ERCC8: variants seen among roughly 807,000 people sequenced by gnomAD.
ERCC8 encodes the protein ERCC excision repair 8, CSA ubiquitin ligase complex subunit.
ERCC8 carries 52 observed loss-of-function variants against 54.9 expected under a neutral mutation model. That is an observed-to-expected ratio of 0.95 (90% CI 0.76 to 1.19). The LOEUF is 1.19. Among genes scored for constraint, ERCC8 ranks in the 50% most tolerant of loss-of-function variants. ERCC8 has a pLI of 0.00. For missense variants in ERCC8, 514 were observed against 466.1 expected, an observed-to-expected ratio of 1.10 and a Z score of -0.95; for synonymous variants, 146 against 157.2, an observed-to-expected ratio of 0.93 and a Z score of 0.53.
chr5:60,891,500 T>G (rs1748552881), intron 9 of ERCC8, among the ~76,000 whole-genome samples: 3 of 152,084 alleles, frequency 2.0e-5, no homozygotes, highest in African/African-American at 7.2e-5. Flanking sequence ...AAGAATAATA[T>G]TTTTTGGGGG....
intron 11 of ERCC8, among the ~76,000 whole-genome samples, chr5:60,884,718 C>T (rs1202998683): frequency 6.6e-6 from 1 of 151,798 alleles, no homozygotes; most frequent in East Asian, 1.9e-4. Context: ...TCATGTTCTG[C>T]CTATATTCAC....
intron 1 of ERCC8, among the ~76,000 whole-genome samples, chr5:60,942,696 T>TG (rs1178425989): frequency 6.6e-6 from 1 of 152,208 alleles, no homozygotes; most frequent in South Asian, 2.1e-4. Flanking sequence ...TTTAGGGTTA[T>TG]GGATGTTCTC....
chr5:60,913,270 A>G (rs897976839), intron 4 of ERCC8, among the ~76,000 whole-genome samples: 1 of 151,724 alleles, frequency 6.6e-6, no homozygotes, highest in Admixed American at 6.6e-5. Flanking sequence ...CTATTTCAGA[A>G]CCTGTTATTG....
chr5:60,942,674 C>T (rs890584805), intron 1 of ERCC8, among the ~76,000 whole-genome samples: 6 of 151,930 alleles, frequency 3.9e-5, no homozygotes, highest in South Asian at 4.2e-4. Flanking sequence ...TATAAATGAC[C>T]GTCAAAAATT....
At chr5:60,889,492 T>C (rs968473691) in intron 10 of ERCC8, among the ~76,000 whole-genome samples, 1 of 152,110 alleles carries the variant, frequency 6.6e-6, no homozygotes, top group African/African-American at 2.4e-5. Flanking sequence ...TTTTTGTAAA[T>C]ACAGGGCCTC....
At chr5:60,884,935 CA>C (rs1748351671) in intron 11 of ERCC8, among the ~76,000 whole-genome samples, 1 of 151,940 alleles carries the variant, frequency 6.6e-6, no homozygotes, top group African/African-American at 2.4e-5. Flanking sequence ...TTCTCATATA[CA>C]AAAGTTTGTT....
At chr5:60,918,795 C>A (rs1213524552) in intron 3 of ERCC8, among the ~76,000 whole-genome samples, 2 of 151,974 alleles carry the variant, frequency 1.3e-5, no homozygotes, top group African/African-American at 4.8e-5. Flanking sequence ...TTATTGAATG[C>A]CTCACACACC....
At chr5:60,942,383 C>T (rs993413193) in intron 1 of ERCC8, among the ~76,000 whole-genome samples, 1 of 151,918 alleles carries the variant, frequency 6.6e-6, no homozygotes, top group African/African-American at 2.4e-5. Flanking sequence ...TGTATTAGTC[C>T]TGAACTGGAA....
At chr5:60,882,255 G>A (rs1364645522) in intron 11 of ERCC8, among the ~76,000 whole-genome samples, 1 of 152,174 alleles carries the variant, frequency 6.6e-6, no homozygotes, top group Non-Finnish European at 1.5e-5. Context: ...AGTAGAAAAA[G>A]TTACGTGTTC....
intron 11 of ERCC8, among the ~76,000 whole-genome samples, chr5:60,885,437 T>C (rs1201866795): frequency 6.6e-6 from 1 of 152,214 alleles, no homozygotes; most frequent in East Asian, 1.9e-4. Flanking sequence ...AAATGTTATA[T>C]TTCCTAACAT....
At chr5:60,925,123 A>C (rs1217754479) in intron 2 of ERCC8, among the ~76,000 whole-genome samples, 1 of 152,096 alleles carries the variant, frequency 6.6e-6, no homozygotes, top group Non-Finnish European at 1.5e-5. Context: ...TTTATGTAAA[A>C]TTAATTTTCT....
intron 1 of ERCC8, among the ~76,000 whole-genome samples, chr5:60,934,330 T>C (rs2112539899): frequency 6.6e-6 from 1 of 152,348 alleles, no homozygotes; most frequent in South Asian, 2.1e-4. Context: ...ACATCTCTAA[T>C]CACTAGTGAT....
intron 7 of ERCC8, among the ~76,000 whole-genome samples, chr5:60,900,001 T>C (rs1236523690): frequency 1.3e-5 from 2 of 152,020 alleles, no homozygotes; most frequent in African/African-American, 2.4e-5. Flanking sequence ...TTAAATTACA[T>C]GAGCATCTTT....
chr5:60,892,917 G>A (rs891620119), intron 9 of ERCC8: 7 of 741,888 alleles, frequency 9.4e-6, no homozygotes, highest in Non-Finnish European at 1.5e-5. Flanking sequence ...ATGGATGTGG[G>A]TGCGCATTTC....
chr5:60,935,799 CT>C (rs1286260668), intron 1 of ERCC8, among the ~76,000 whole-genome samples: 15 of 151,726 alleles, frequency 9.9e-5, no homozygotes, highest in Non-Finnish European at 2.1e-4. Flanking sequence ...AGATAATCAT[CT>C]GATTTTTGTT....
At position 60,870,343 on chromosome 5, in the gene ERCC8, G is replaced by C. The variant is rs1747834733; in HGVS notation, c.*4272C>G. 6.6e-6 allele frequency among the ~76,000 whole-genome samples: 1 copy of C among 151,726 alleles called. No individual in the cohort carries two copies. ...AGGAGAAACGAAAAGATAAGACAAT[G>C]AAAGAGAAGTCGAAGTCAGGCCCGG... is the stretch of plus-strand genomic sequence containing the variant. On this transcript the variant is annotated 3_prime_UTR_variant, in exon 12 of 12. Transcript: ENST00000676185.
At chr5:60,875,467 AT>A (rs2112453002) in intron 11 of ERCC8, among the ~76,000 whole-genome samples, 1 of 152,316 alleles carries the variant, frequency 6.6e-6, no homozygotes, top group South Asian at 2.1e-4. Context: ...AAATCAGTTC[AT>A]TTTGGGGAAA....
intron 4 of ERCC8, 194 bp downstream of exon 4, chr5:60,918,071 C>T: frequency 1.8e-6 from 1 of 567,946 alleles, no homozygotes; most frequent in African/African-American, 1.9e-5. Context: ...GAGGTTTGGA[C>T]ATTTGCCCAA....
rs1749976367 is a variant in ERCC8 at position 60,933,547 on chromosome 5, T to TA, written c.78-4589dup. 2.6e-5 allele frequency among the ~76,000 whole-genome samples: 4 copies of TA among 152,168 alleles called. 1 individual carries two copies. The East Asian group carries it at 7.7e-4, about 29-fold the overall frequency. ...TATTTTCTATCTACTATATATTACT[T>TA]AGTTTTTGTTTTACTTTTTTGAATT... On this transcript the variant is annotated intron_variant, in intron 1 of 11. Coordinates refer to ENST00000676185, the MANE Select transcript of ERCC8 (RefSeq NM_000082.4).
Sources: gnomAD v4.1 joint callset for allele counts (sites outside exome capture counted in the v4.1 genomes callset) on GRCh38, gnomAD v4.1.1 for gene constraint, MANE v1.5 for transcripts, NCBI Gene and HGNC (gene_info 2026-07-23, HGNC 2026-07-21) for gene names.